Variants in SEC61A1 observed in about 807,000 individuals in gnomAD.
SEC61A1 encodes the protein SEC61 translocon subunit alpha 1.
SEC61A1 carries 15 observed loss-of-function variants against 55.2 expected under a neutral mutation model. The ratio of observed to expected loss-of-function variants is 0.27; its 90% CI spans 0.18 to 0.42. The LOEUF is 0.42. Ranked by LOEUF, SEC61A1 falls within the 10% of genes least tolerant of loss-of-function variation. The pLI is 1.00. For missense variants in SEC61A1, 284 were observed against 602.6 expected (o/e 0.47, Z 5.53); for synonymous variants, 247 against 234.0 (o/e 1.06, Z -0.51).
chr3:128,055,586 G>A lies in SEC61A1; in HGVS notation c.141+5G>A. The A allele has an allele frequency of 6.2e-7, 1 of 1,613,076 alleles. No homozygotes were observed. The highest frequency in any genetic ancestry group is 8.5e-7 in the Non-Finnish European group (1 of 1,179,012). The stretch of plus-strand genomic sequence containing the variant: ...ATCTTCTTAGTGTGCTGCCAGGTAA[G>A]CTCAGGCTTGTATTTCGTATTGGGG... On this transcript the variant is annotated splice_donor_5th_base_variant and intron_variant, in intron 3 of 11. Coordinates refer to ENST00000243253, the MANE Select transcript of SEC61A1 (RefSeq NM_013336.4).
In SEC61A1 at chr3:128,055,342, A is replaced by AAGTT. The variant is rs144710552; in HGVS notation, c.76-172_76-169dup. Among the ~76,000 whole-genome samples the AAGTT allele has an allele frequency of 8.7e-4, 132 of 152,290 alleles. 1 individual carries two copies. The highest frequency in any genetic ancestry group is 3.1e-3 in the African/African-American group (128 of 41,552). On this transcript the variant is annotated intron_variant, in intron 2 of 11. Transcript: ENST00000243253. ...CCTTGCATTGTGCTCTGTGCAGAGG[A>AAGTT]AGTTACGCAGTACATGGTACTTATG...
At position 128,060,528 on chromosome 3, in the gene SEC61A1, T is replaced by TG; in HGVS notation, c.484dup (p.Val162GlyfsTer6). The TG allele has an allele frequency of 6.2e-7, 1 of 1,614,218 alleles. No homozygotes were observed. Among genetic ancestry groups the TG allele is most frequent in the Non-Finnish European group, 8.5e-7 (1 of 1,180,030 alleles). On this transcript the variant is annotated frameshift_variant, in exon 7 of 12. Coordinates refer to ENST00000243253, the MANE Select transcript of SEC61A1 (RefSeq NM_013336.4). LOFTEE classifies it high-confidence loss of function. The stretch of plus-strand genomic sequence containing the variant: ...TACAGCTCTTTGTTGCTGGCTTAAT[T>TG]GTCCTACTTTTGGATGAACTCCTGC...
chr3:128,056,821 C>T lies in SEC61A1; in HGVS notation c.333C>T (p.Leu111=). Residue 111 remains leucine, a synonymous_variant, in exon 5 of 12, where the codon CTC becomes CTT. Coordinates refer to ENST00000243253, the MANE Select transcript of SEC61A1 (RefSeq NM_013336.4). The stretch of plus-strand genomic sequence containing the variant: ...GTGACACCCCAAAAGACCGAGCTCT[C>T]TTCAACGGAGCCCAAAAGTGTAAGA... The part of the protein sequence containing the change: ...EVGDTPKDRA[L]FNGAQKLFGM... 5.6e-6 allele frequency: 9 copies of T among 1,598,904 alleles called. No homozygotes were observed. The highest frequency in any genetic ancestry group is 6.8e-6 in the Non-Finnish European group (8 of 1,172,906).
intron 8 of SEC61A1, 64 bp from the exon 9 acceptor site, chr3:128,066,888 CTG>C (rs1941998294): frequency 1.3e-6 from 2 of 1,522,656 alleles, no homozygotes; most frequent in South Asian, 2.3e-5. Flanking sequence ...CCCGGCCGGG[CTG>C]TGTTTCTGTG....
intron 6 of SEC61A1, 90 bp from the exon 7 acceptor site, chr3:128,060,418 C>A: frequency 1.4e-6 from 2 of 1,379,500 alleles, no homozygotes; most frequent in Non-Finnish European, 2.0e-6. Context: ...CCGTCTTCAG[C>A]GTTTATATCA....
At chr3:128,052,025 T>C (rs1434335836), upstream of SEC61A1, 1 of 811,158 alleles carries the variant, frequency 1.2e-6, no homozygotes. Flanking sequence ...TTACGGTCTA[T>C]TCACTAACGT....
chr3:128,066,810 A>G, intron 8 of SEC61A1, 144 bp from the exon 9 acceptor site: 1 of 703,628 alleles, frequency 1.4e-6, no homozygotes, highest in Non-Finnish European at 2.4e-6. Flanking sequence ...AGTGGGCACA[A>G]GCTCTCGGAA....
intron 5 of SEC61A1, 78 bp downstream of exon 5, chr3:128,056,918 CTTT>C: frequency 8.7e-7 from 1 of 1,142,958 alleles, no homozygotes; most frequent in Non-Finnish European, 1.2e-6. Flanking sequence ...ATCAGTTTTT[CTTT>C]TTTTATTTAT....
upstream of SEC61A1, chr3:128,052,308 G>C (rs1337153347): frequency 2.3e-5 from 8 of 343,572 alleles, no homozygotes; most frequent in Non-Finnish European, 3.3e-5. Flanking sequence ...TTGAGGTCTC[G>C]GCGAAGCGGC....
At position 128,069,782 on chromosome 3, in the gene SEC61A1, C is replaced by A; in HGVS notation, c.*120C>A. Reference sequence around the variant, plus strand: ...TAATAATGTTTTTGAATTTCGTATTCTTTCATTCCACTGTGTAAAGTGCTA... The same window carrying A: ...TAATAATGTTTTTGAATTTCGTATTATTTCATTCCACTGTGTAAAGTGCTA... On this transcript the variant is annotated 3_prime_UTR_variant, in exon 12 of 12. Transcript: ENST00000243253. The A allele has an allele frequency of 1.1e-6, 1 of 905,712 alleles. No individual in the cohort carries two copies. The highest frequency in any genetic ancestry group is 1.7e-6 in the Non-Finnish European group (1 of 590,330). 56.1% of individuals were successfully genotyped at this position (905,712 alleles called of 1,614,324 possible).
At chr3:128,063,605 G>A (rs901139976) in intron 7 of SEC61A1, among the ~76,000 whole-genome samples, 3 of 152,216 alleles carry the variant, frequency 2.0e-5, no homozygotes, top group Admixed American at 6.5e-5. Context: ...AAAGTGCTGG[G>A]ATTACAGGCG....
Position 128,067,643 on chromosome 3 carries a change from G to A in SEC61A1, c.1167+31G>A. Reference sequence around the variant, plus strand: ...TAGAAGCAAAACTTTCTGGAAGGGTGATGAAAGTGTGACTGGTATAAGGGG... The same window carrying A: ...TAGAAGCAAAACTTTCTGGAAGGGTAATGAAAGTGTGACTGGTATAAGGGG... On this transcript the variant is annotated intron_variant, in intron 10 of 11. Coordinates refer to ENST00000243253, the MANE Select transcript of SEC61A1 (RefSeq NM_013336.4). This position sits in a 1 kb window ranked among gnomAD's most constrained non-coding sequence, Gnocchi z 4.1. 1 of 1,549,226 alleles carries A rather than the reference G, an allele frequency of 6.5e-7. No homozygotes were observed. The highest frequency in any genetic ancestry group is 1.2e-5 in the South Asian group (1 of 86,560).
intron 8 of SEC61A1, among the ~76,000 whole-genome samples, chr3:128,066,112 A>C (rs1941970127): frequency 6.6e-6 from 1 of 151,886 alleles, no homozygotes; most frequent in Non-Finnish European, 1.5e-5. Context: ...ATAAAAATAA[A>C]CCCTTTCTAG....
chr3:128,052,268 G>A (rs1941691931), upstream of SEC61A1: 2 of 261,950 alleles, frequency 7.6e-6, no homozygotes, highest in East Asian at 1.9e-4. Context: ...CTTCCCGACA[G>A]GCCCCAGGAG....
intron 11 of SEC61A1, chr3:128,069,006 C>A (rs1031427058): frequency 6.6e-6 from 1 of 152,620 alleles, no homozygotes; most frequent in Non-Finnish European, 1.5e-5. Flanking sequence ...AGTTCATTCT[C>A]TTAATATTAA....
chr3:128,063,491 T>G (rs1457307394), intron 7 of SEC61A1, among the ~76,000 whole-genome samples: 2 of 152,274 alleles, frequency 1.3e-5, no homozygotes, highest in Admixed American at 6.5e-5. Flanking sequence ...CCCGCCACCA[T>G]GTTCGGCTAA....
chr3:128,053,179 G>A (rs1394142485), intron 2 of SEC61A1, among the ~76,000 whole-genome samples: 2 of 152,094 alleles, frequency 1.3e-5, no homozygotes, highest in South Asian at 4.1e-4. Flanking sequence ...AAATGGATCC[G>A]GGCCATGAAT....
In SEC61A1 at chr3:128,069,956, C is replaced by T. The variant is rs926861432; in HGVS notation, c.*294C>T. The T allele has an allele frequency of 6.6e-6, 2 of 301,142 alleles. No individual in the cohort carries two copies. Among genetic ancestry groups the T allele is most frequent in the Admixed American group, 4.8e-5 (1 of 20,838 alleles). 18.7% of individuals were successfully genotyped at this position (301,142 alleles called of 1,614,324 possible). A position where few individuals can be genotyped will look rare whatever the true frequency, so the allele number is the denominator to read the frequency against. Reference sequence around the variant, plus strand: ...CATGTAACTTTTGTTTTAACCTTTGCACCTTCTCAGTGCTGTATGCGGCTG... The same window carrying T: ...CATGTAACTTTTGTTTTAACCTTTGTACCTTCTCAGTGCTGTATGCGGCTG... On this transcript the variant is annotated 3_prime_UTR_variant, in exon 12 of 12. Transcript: ENST00000243253.
Position 128,055,545 on chromosome 3 carries a change from C to G in SEC61A1, c.105C>G (p.Thr35=). Residue 35 remains threonine, a synonymous_variant, in exon 3 of 12, where the codon ACC becomes ACG. Transcript: ENST00000243253. The stretch of plus-strand genomic sequence containing the variant: ...AGTTTAAGGAGAAAGTGCTGTGGAC[C>G]GCTATCACCCTCTTTATCTTCTTAG... ...KIQFKEKVLW[T]AITLFIFLVC... The G allele has an allele frequency of 1.2e-6, 2 of 1,613,476 alleles. No individual in the cohort carries two copies. Among genetic ancestry groups the G allele is most frequent in the Non-Finnish European group, 1.7e-6 (2 of 1,179,408 alleles).
Sources: allele counts gnomAD v4.1 joint callset (sites outside exome capture counted in the v4.1 genomes callset), GRCh38; gene constraint gnomAD v4.1.1; non-coding constraint Gnocchi (gnomAD v3.1); transcripts MANE v1.5; gene names NCBI Gene and HGNC (gene_info 2026-07-23, HGNC 2026-07-21).